Variants in TNIK observed in about 807,000 individuals in gnomAD.
The protein encoded by TNIK is TRAF2 and NCK-interacting protein kinase.
TNIK carries 49 observed loss-of-function variants against 191.3 expected under a neutral mutation model. The ratio of observed to expected loss-of-function variants is 0.26; its 90% CI spans 0.20 to 0.32. The LOEUF (loss-of-function observed/expected upper bound fraction) is 0.32. Among genes scored for constraint, TNIK ranks in the 10% least tolerant of loss-of-function variants. TNIK has a pLI of 1.00. For synonymous variants in TNIK, 594 were observed against 600.9 expected (o/e 0.99, Z 0.17); for missense variants, 1,155 against 1,702.3 (o/e 0.68, Z 5.66).
At chr3:171,250,057 C>T (rs921180767) in intron 2 of TNIK, among the ~76,000 whole-genome samples, 3 of 152,204 alleles carry the variant, frequency 2.0e-5, no homozygotes, top group South Asian at 2.1e-4. Context: ...AAGCTCTTAG[C>T]GATGCCTGCA....
chr3:171,296,438 T>C (rs781070572), intron 2 of TNIK, among the ~76,000 whole-genome samples: 23 of 152,194 alleles, frequency 1.5e-4, no homozygotes, highest in Non-Finnish European at 2.5e-4. Flanking sequence ...GTTCCCCAGA[T>C]AATGTCTGCT....
intron 1 of TNIK, among the ~76,000 whole-genome samples, chr3:171,433,223 T>A (rs1408356088): frequency 1.3e-5 from 2 of 151,976 alleles, no homozygotes; most frequent in African/African-American, 4.8e-5. Flanking sequence ...GTAGAATAAA[T>A]AAAATGAGAA....
chr3:171,221,892 T>C (rs546034524), intron 3 of TNIK, among the ~76,000 whole-genome samples: 2 of 152,266 alleles, frequency 1.3e-5, no homozygotes, highest in South Asian at 2.1e-4. Context: ...CAGGCTGTCA[T>C]CAAAATATAC....
At chr3:171,445,427 A>C (rs1362751008) in intron 1 of TNIK, among the ~76,000 whole-genome samples, 1 of 151,948 alleles carries the variant, frequency 6.6e-6, no homozygotes, top group Admixed American at 6.6e-5. Context: ...TCCAAAAAAA[A>C]AAAAAAAAAG....
chr3:171,397,280 G>A (rs1451606000), intron 1 of TNIK, among the ~76,000 whole-genome samples: 1 of 152,150 alleles, frequency 6.6e-6, no homozygotes, highest in East Asian at 1.9e-4. Context: ...CCTTTTGTTA[G>A]CCACAGACAG....
At chr3:171,302,266 G>A (rs1340087573) in intron 2 of TNIK, among the ~76,000 whole-genome samples, 6 of 152,124 alleles carry the variant, frequency 3.9e-5, no homozygotes, top group Non-Finnish European at 2.9e-5. Context: ...TTAATGACAG[G>A]ACAGTCCAGG....
Position 171,383,379 on chromosome 3 carries a change from T to A in TNIK, c.58-13694A>T, listed in dbSNP as rs371489887. ...ACTCAAAACCTGCTTTTTGAGCCAC[T>A]GTCAAGGTAACCTAGCAGCTGAGAA... On this transcript the variant is annotated intron_variant, in intron 1 of 32. Transcript: ENST00000436636. Among the ~76,000 whole-genome samples the A allele has an allele frequency of 1.6e-4, 25 of 152,340 alleles. No homozygotes were observed. The East Asian group carries it at 4.2e-3, about 26-fold the overall frequency.
intron 2 of TNIK, among the ~76,000 whole-genome samples, chr3:171,361,247 T>C (rs967094405): frequency 3.3e-4 from 50 of 152,288 alleles, no homozygotes; most frequent in African/African-American, 1.2e-3. Flanking sequence ...CAATTATCTA[T>C]AGTTTTGCAA....
intron 2 of TNIK, among the ~76,000 whole-genome samples, chr3:171,267,529 T>C (rs1307808908): frequency 2.0e-5 from 3 of 152,222 alleles, no homozygotes; most frequent in East Asian, 1.9e-4. Flanking sequence ...GTTCCAGTCA[T>C]GGGAAATGGA....
In TNIK at chr3:171,208,554, T is replaced by TTGTG. The variant is rs111537330; in HGVS notation, c.306+2558_306+2561dup. On this transcript the variant is annotated intron_variant, in intron 4 of 32. Transcript: ENST00000436636. ...GGCTTTACAAAGTCCTATTTTATTT[T>TTGTG]TGTGTGTATGTGTGTGTGTGTGAGA... 4.1e-3 allele frequency among the ~76,000 whole-genome samples: 483 copies of TTGTG among 118,930 alleles called. 1 individual carries two copies. Among genetic ancestry groups the TTGTG allele is most frequent in the South Asian group, 0.013 (46 of 3,460 alleles). The allele number at this position is 118,930 out of a possible 152,430, so 78.0% of individuals were successfully genotyped here. A position where few individuals can be genotyped will look rare whatever the true frequency, so the allele number is the denominator to read the frequency against.
chr3:171,128,728 G>C lies in TNIK; in HGVS notation c.1759C>G (p.Pro587Ala), dbSNP rs751554444. The C allele has an allele frequency of 3.1e-6, 5 of 1,612,570 alleles. No homozygotes were observed. The highest frequency in any genetic ancestry group is 1.3e-5 in the African/African-American group (1 of 74,766). ...GCAGACTGTACCTGGGGATCGACTG[G>C]TCTGAGCATGGGGGGTGTTCGAGCA... ...QPARTPPMLRPVDPQIPHLVA... is the reference protein window; with the variant it reads ...QPARTPPMLRAVDPQIPHLVA... Residue 587 changes from proline (P) to alanine (A), a missense_variant, in exon 16 of 33, where the codon CCA (proline) becomes GCA (alanine). By Grantham distance (27) the Pro-to-Ala change is conservative (BLOSUM62 -1). Transcript: ENST00000436636.
chr3:171,211,504 C>G (rs985128353), intron 3 of TNIK, among the ~76,000 whole-genome samples: 4 of 152,136 alleles, frequency 2.6e-5, no homozygotes, highest in African/African-American at 9.7e-5. Flanking sequence ...CTCATCTCTT[C>G]ACCTAGAAGA....
chr3:171,128,675 A>C (rs764465579), intron 16 of TNIK, 39 bp downstream of exon 16: 1 of 1,577,648 alleles, frequency 6.3e-7, no homozygotes, highest in Non-Finnish European at 8.6e-7. Flanking sequence ...TTCTTGTGCA[A>C]CTTATTGGAA....
intron 7 of TNIK, among the ~76,000 whole-genome samples, chr3:171,177,859 C>CAT: frequency 6.6e-6 from 1 of 152,320 alleles, no homozygotes; most frequent in East Asian, 1.9e-4. Context: ...TGCCTGAACC[C>CAT]ATCCCCACTC....
intron 15 of TNIK, among the ~76,000 whole-genome samples, chr3:171,136,619 C>G (rs935691398): frequency 6.6e-6 from 1 of 152,216 alleles, no homozygotes; most frequent in Non-Finnish European, 1.5e-5. Flanking sequence ...CCTGCAGGTG[C>G]TACTGACATT....
intron 15 of TNIK, among the ~76,000 whole-genome samples, chr3:171,132,612 C>T (rs1476767902): frequency 6.6e-6 from 1 of 152,130 alleles, no homozygotes; most frequent in Non-Finnish European, 1.5e-5. Context: ...AAGAGAAACA[C>T]TGTATCAATG....
At chr3:171,338,598 C>T (rs1225037430) in intron 2 of TNIK, among the ~76,000 whole-genome samples, 1 of 151,986 alleles carries the variant, frequency 6.6e-6, no homozygotes, top group East Asian at 1.9e-4. Flanking sequence ...AAGTGATTCT[C>T]GTGCCTCAGC....
At chr3:171,215,146 C>G (rs1049228933) in intron 3 of TNIK, among the ~76,000 whole-genome samples, 1 of 152,118 alleles carries the variant, frequency 6.6e-6, no homozygotes, top group Non-Finnish European at 1.5e-5. Context: ...TGCCAGAGAA[C>G]CAACCCTTCA....
At chr3:171,289,068 C>G (rs1198047420) in intron 2 of TNIK, among the ~76,000 whole-genome samples, 1 of 152,022 alleles carries the variant, frequency 6.6e-6, no homozygotes, top group African/African-American at 2.4e-5. Context: ...AGCACACTTC[C>G]GAGAGCAGCA....
Sources: allele counts gnomAD v4.1 joint callset (sites outside exome capture counted in the v4.1 genomes callset), GRCh38; gene constraint gnomAD v4.1.1; transcripts MANE v1.5; gene names NCBI Gene and HGNC (gene_info 2026-07-23, HGNC 2026-07-21).